SNTG1: variants seen among roughly 807,000 people sequenced by gnomAD.
The protein encoded by SNTG1 is gamma-1-syntrophin.
SNTG1 carries 39 observed loss-of-function variants against 74.7 expected under a neutral mutation model. The ratio of observed to expected loss-of-function variants is 0.52; its 90% CI spans 0.40 to 0.68. The LOEUF (loss-of-function observed/expected upper bound fraction) is 0.68. Ranked by LOEUF, SNTG1 falls within the 30% of genes least tolerant of loss-of-function variation. The pLI is 0.00. For missense variants in SNTG1, 685 were observed against 609.5 expected, an observed-to-expected ratio of 1.12 and a Z score of -1.30; for synonymous variants, 254 against 217.1, an observed-to-expected ratio of 1.17 and a Z score of -1.49.
chr8:50,572,537 A>G (rs1369140931), intron 12 of SNTG1, among the ~76,000 whole-genome samples: 1 of 152,140 alleles, frequency 6.6e-6, no homozygotes, highest in African/African-American at 2.4e-5. Flanking sequence ...TAAGGCATTG[A>G]TTTACTGTTA....
chr8:50,662,683 G>A (rs117897801), intron 15 of SNTG1, among the ~76,000 whole-genome samples: 1 of 152,296 alleles, frequency 6.6e-6, no homozygotes, highest in Non-Finnish European at 1.5e-5. Context: ...CAGAGAGCCA[G>A]CCTGGTACTG....
intron 4 of SNTG1, among the ~76,000 whole-genome samples, chr8:50,404,769 G>T (rs929141490): frequency 6.6e-6 from 1 of 151,854 alleles, no homozygotes; most frequent in African/African-American, 2.4e-5. Context: ...TTTTCATCAT[G>T]CCATACTGAA....
chr8:50,515,185 CA>C (rs1245847689), intron 9 of SNTG1, among the ~76,000 whole-genome samples: 1 of 151,812 alleles, frequency 6.6e-6, no homozygotes, highest in Non-Finnish European at 1.5e-5. Context: ...TCCAGATCAG[CA>C]AAATAAAGGG....
chr8:50,635,705 C>A (rs1038798768), intron 13 of SNTG1, among the ~76,000 whole-genome samples: 4 of 152,180 alleles, frequency 2.6e-5, no homozygotes, highest in African/African-American at 9.6e-5. Flanking sequence ...GGGCTCCCCT[C>A]TGGCCTGGGG....
Position 50,656,890 on chromosome 8 carries a change from G to T in SNTG1, c.850-19G>T, listed in dbSNP as rs776292003. 5 of 1,519,212 alleles carry T rather than the reference G, an allele frequency of 3.3e-6. No homozygotes were observed. In the African/African-American group the frequency reaches 5.5e-5, roughly 17 times the overall value. 94.1% of individuals were successfully genotyped at this position (1,519,212 alleles called of 1,614,324 possible). On this transcript the variant is annotated intron_variant, in intron 13 of 18. Coordinates refer to ENST00000642720, the MANE Select transcript of SNTG1 (RefSeq NM_018967.5). Reference sequence around the variant, plus strand: ...AAATAAGAAGTTTTGACAGTTGATTGTATTCCATTTTCTTGCAGATTGTCT... The same window carrying T: ...AAATAAGAAGTTTTGACAGTTGATTTTATTCCATTTTCTTGCAGATTGTCT...
intron 14 of SNTG1, among the ~76,000 whole-genome samples, chr8:50,658,003 A>C (rs997641525): frequency 6.6e-6 from 1 of 152,146 alleles, no homozygotes; most frequent in Non-Finnish European, 1.5e-5. Flanking sequence ...GTCTGTCTCT[A>C]CACAAAGTTT....
At chr8:50,494,124 C>T (rs995546266) in intron 8 of SNTG1, among the ~76,000 whole-genome samples, 3 of 151,190 alleles carry the variant, frequency 2.0e-5, no homozygotes, top group African/African-American at 7.3e-5. Context: ...TATATATACA[C>T]ACACACACAC....
chr8:50,501,726 G>T (rs2093959487), intron 8 of SNTG1, among the ~76,000 whole-genome samples: 4 of 151,426 alleles, frequency 2.6e-5, no homozygotes, highest in Admixed American at 1.3e-4. Context: ...CCAAAGTGCT[G>T]GGATTGCAGG....
At chr8:50,005,889 A>G (rs139991051) in intron 1 of SNTG1, among the ~76,000 whole-genome samples, 9 of 151,680 alleles carry the variant, frequency 5.9e-5, no homozygotes, top group African/African-American at 2.2e-4. Context: ...CTCAGCTCCA[A>G]AACTGAGCCC....
chr8:50,738,496 T>G (rs1238645833), intron 17 of SNTG1, among the ~76,000 whole-genome samples: 1 of 152,126 alleles, frequency 6.6e-6, no homozygotes, highest in African/African-American at 2.4e-5. Flanking sequence ...AAGTAATTTA[T>G]AGATTCAATG....
rs187463499 is a variant in SNTG1, at chr8:50,322,817, A to G, written c.-27-71395A>G. ...TTTCTTCTGCTTGATCAATTCTGCT[A>G]TTAAGATACTTTGCTGTGACCAGGC... On this transcript the variant is annotated intron_variant, in intron 2 of 18. Transcript: ENST00000642720. Among the ~76,000 whole-genome samples the G allele has an allele frequency of 8.0e-4, 122 of 151,978 alleles. 1 individual carries two copies. Among genetic ancestry groups the G allele is most frequent in the Admixed American group, 5.1e-3 (78 of 15,266 alleles).
intron 2 of SNTG1, among the ~76,000 whole-genome samples, chr8:50,238,945 C>A (rs1204798569): frequency 6.6e-6 from 1 of 152,032 alleles, no homozygotes; most frequent in Non-Finnish European, 1.5e-5. Flanking sequence ...CAATGAGATA[C>A]CATCTCACAC....
chr8:49,947,485 A>G (rs1474290105), intron 1 of SNTG1, among the ~76,000 whole-genome samples: 1 of 152,168 alleles, frequency 6.6e-6, no homozygotes, highest in Non-Finnish European at 1.5e-5. Context: ...CTTTTACCCC[A>G]TTTCCACTGA....
intron 12 of SNTG1, among the ~76,000 whole-genome samples, chr8:50,587,062 A>T (rs2094653756): frequency 6.6e-6 from 1 of 152,002 alleles, no homozygotes; most frequent in South Asian, 2.1e-4. Flanking sequence ...CATAAAATCA[A>T]TTTCGGTTCA....
chr8:50,742,834 A>C (rs1585688431), intron 17 of SNTG1, among the ~76,000 whole-genome samples: 1 of 151,920 alleles, frequency 6.6e-6, no homozygotes, highest in Non-Finnish European at 1.5e-5. Flanking sequence ...TCAGAAAAAA[A>C]GAGAAGAGAC....
chr8:50,417,237 A>G (rs2093026056), intron 4 of SNTG1, among the ~76,000 whole-genome samples: 1 of 152,156 alleles, frequency 6.6e-6, no homozygotes, highest in South Asian at 2.1e-4. Flanking sequence ...GATAAGGAGC[A>G]TATGCAGAAT....
chr8:50,703,416 C>A (rs571386717), intron 15 of SNTG1, among the ~76,000 whole-genome samples: 10 of 152,176 alleles, frequency 6.6e-5, no homozygotes, highest in Admixed American at 5.9e-4. Context: ...CATCTTGTCC[C>A]ACTGGAAGGT....
At chr8:50,762,245 A>G (rs2095601034) in intron 18 of SNTG1, among the ~76,000 whole-genome samples, 1 of 151,998 alleles carries the variant, frequency 6.6e-6, no homozygotes, top group Non-Finnish European at 1.5e-5. Context: ...ATGAAGTCTA[A>G]CATATCTTTA....
chr8:50,247,375 T>C (rs2086447081), intron 2 of SNTG1, among the ~76,000 whole-genome samples: 1 of 152,126 alleles, frequency 6.6e-6, no homozygotes, highest in African/African-American at 2.4e-5. Context: ...GCAGAATTCA[T>C]ATTGCTTTGA....
Sources: gnomAD v4.1 joint callset for allele counts (sites outside exome capture counted in the v4.1 genomes callset) on GRCh38, gnomAD v4.1.1 for gene constraint, MANE v1.5 for transcripts, NCBI Gene and HGNC (gene_info 2026-07-23, HGNC 2026-07-21) for gene names.